The following RBFOX1 variants were observed in gnomAD, a reference collection of about 807,000 sequenced individuals.
The protein encoded by RBFOX1 is RNA binding fox-1 homolog 1, also known as RNA binding protein fox-1 homolog 1.
RBFOX1 carries 8 observed loss-of-function variants against 57.7 expected under a neutral mutation model. The observed-to-expected ratio is 0.14, with a 90% confidence interval of 0.08 to 0.25. The LOEUF (loss-of-function observed/expected upper bound fraction) is 0.25, where lower values mean the gene tolerates loss of function less well. RBFOX1 is among the 10% of genes least tolerant of loss of function. RBFOX1 has a pLI of 1.00. For missense variants in RBFOX1, 611 were observed against 548.5 expected (o/e 1.11, Z -1.14); for synonymous variants, 326 against 222.4 (o/e 1.47, Z -4.15).
At chr16:7,101,713 G>A (rs2062724112) in intron 4 of RBFOX1, among the ~76,000 whole-genome samples, 1 of 152,156 alleles carries the variant, frequency 6.6e-6, no homozygotes, top group Non-Finnish European at 1.5e-5. Flanking sequence ...TTTTAAAAAT[G>A]TATTTGCTTG....
chr16:6,914,563 T>C (rs7203317), intron 3 of RBFOX1, among the ~76,000 whole-genome samples: 36 of 116,742 alleles, frequency 3.1e-4, no homozygotes, highest in African/African-American at 1.0e-3. Context: ...AAAACAAAAA[T>C]AAAAAAAAAA....
intron 9 of RBFOX1, 81 bp from the exon 10 acceptor site, chr16:7,607,204 C>T (rs944240393): frequency 7.7e-7 from 1 of 1,292,994 alleles, no homozygotes; most frequent in Admixed American, 2.0e-5. Context: ...TACTTTAACC[C>T]ATTTGATTTG....
intron 3 of RBFOX1, among the ~76,000 whole-genome samples, chr16:6,908,104 G>A (rs964295987): frequency 1.3e-5 from 2 of 151,736 alleles, no homozygotes; most frequent in South Asian, 2.1e-4. Context: ...CACAGCTACT[G>A]GGGGTTAGGA....
chr16:7,477,548 A>G (rs1379975204), intron 4 of RBFOX1, among the ~76,000 whole-genome samples: 1 of 152,178 alleles, frequency 6.6e-6, no homozygotes, highest in Non-Finnish European at 1.5e-5. Context: ...GAGAAAATGT[A>G]CTAAGCGAAC....
intron 2 of RBFOX1, among the ~76,000 whole-genome samples, chr16:6,641,621 G>A (rs944314662): frequency 1.3e-5 from 2 of 151,770 alleles, no homozygotes; most frequent in African/African-American, 4.8e-5. Flanking sequence ...TGTAATCCCA[G>A]CTACTCAAGA....
rs1176767746 is a variant in RBFOX1, at chr16:7,319,076, T to G, written c.28-199071T>G. Reference sequence around the variant, plus strand: ...CTCCAGTGCCAATTTTTTTCTTCTTTCTTTGTTTTTTTATCCTAATTTTAA... The same window carrying G: ...CTCCAGTGCCAATTTTTTTCTTCTTGCTTTGTTTTTTTATCCTAATTTTAA... On this transcript the variant is annotated intron_variant, in intron 4 of 15. Transcript: ENST00000550418. 2.6e-5 allele frequency among the ~76,000 whole-genome samples: 4 copies of G among 152,312 alleles called. No individual in the cohort carries two copies. In the East Asian group the frequency reaches 7.7e-4, roughly 29 times the overall value.
At position 7,572,547 on chromosome 16, in the gene RBFOX1, AAAT is replaced by A. The variant is rs2092895915; in HGVS notation, c.271-7222_271-7220del. Among the ~76,000 whole-genome samples, 4 of 152,268 alleles carry A rather than the reference AAAT, an allele frequency of 2.6e-5. No individual in the cohort carries two copies. In the South Asian group the frequency reaches 8.3e-4, roughly 32 times the overall value. ...GTGCACAGGATGATCCACCCATCAA[AAAT>A]AATAATAGGCTGGGCGCGGTGGCTC... On this transcript the variant is annotated intron_variant, in intron 5 of 15. Coordinates refer to ENST00000550418, the MANE Select transcript of RBFOX1 (RefSeq NM_018723.4).
intron 1 of RBFOX1, among the ~76,000 whole-genome samples, chr16:5,382,496 G>A (rs1275250900): frequency 1.3e-5 from 2 of 151,578 alleles, no homozygotes; most frequent in Non-Finnish European, 2.9e-5. Context: ...TAGAATTTAT[G>A]ATTTGCAATC....
chr16:6,076,367 C>G (rs2095901515), intron 1 of RBFOX1, among the ~76,000 whole-genome samples: 1 of 151,858 alleles, frequency 6.6e-6, no homozygotes, highest in Non-Finnish European at 1.5e-5. Flanking sequence ...CACACCCCAC[C>G]TCTTTGGGTT....
At chr16:7,049,335 C>T (rs2049134102) in intron 3 of RBFOX1, among the ~76,000 whole-genome samples, 1 of 152,266 alleles carries the variant, frequency 6.6e-6, no homozygotes, top group East Asian at 1.9e-4. Flanking sequence ...CTTGAGACCA[C>T]AGTCCTAGAT....
intron 13 of RBFOX1, among the ~76,000 whole-genome samples, chr16:7,675,515 C>T (rs2073016041): frequency 6.6e-6 from 1 of 152,044 alleles, no homozygotes; most frequent in South Asian, 2.1e-4. Flanking sequence ...AAGATAAACT[C>T]GTTTCTTTGA....
chr16:6,687,033 G>T (rs1456169922), intron 3 of RBFOX1, among the ~76,000 whole-genome samples: 1 of 152,202 alleles, frequency 6.6e-6, no homozygotes. Context: ...ACTCATTTCA[G>T]AAATCTTTGC....
chr16:6,182,360 A>G (rs971582589), intron 1 of RBFOX1, among the ~76,000 whole-genome samples: 20 of 152,288 alleles, frequency 1.3e-4, no homozygotes, highest in African/African-American at 3.9e-4. Context: ...ACGACCTACC[A>G]CAGCCACTTT....
chr16:5,757,232 T>G (rs76925603), intron 3 of RBFOX1, among the ~76,000 whole-genome samples: 239 of 113,292 alleles, frequency 2.1e-3, no homozygotes, highest in Non-Finnish European at 3.3e-3. Flanking sequence ...GGTTTTTGTG[T>G]TTTTTTTTTT....
intron 3 of RBFOX1, among the ~76,000 whole-genome samples, chr16:6,940,249 G>C (rs914163581): frequency 1.3e-5 from 2 of 152,140 alleles, no homozygotes; most frequent in African/African-American, 2.4e-5. Flanking sequence ...CTGGCTATCA[G>C]AGGGGCTTGG....
chr16:5,484,988 G>A (rs2151653226), intron 2 of RBFOX1, among the ~76,000 whole-genome samples: 1 of 152,074 alleles, frequency 6.6e-6, no homozygotes, highest in East Asian at 1.9e-4. Flanking sequence ...GAGTCTAGGA[G>A]TTTGAAGCTT....
rs2084147951 is a variant in RBFOX1 at position 7,712,506 on chromosome 16, T to TA, written c.*1761_*1762insA. The TA allele has an allele frequency of 6.6e-6, 1 of 152,614 alleles. No individual in the cohort carries two copies. The highest frequency in any genetic ancestry group is 1.5e-5 in the Non-Finnish European group (1 of 68,038). 9.5% of individuals were successfully genotyped at this position (152,614 alleles called of 1,614,324 possible). A position where few individuals can be genotyped will look rare whatever the true frequency, so the allele number is the denominator to read the frequency against. ...AGTTTCACAAGATTTGAAAACAAAG[T>TA]TTCTGTAGCTTCGATACCTAAGACA... On this transcript the variant is annotated 3_prime_UTR_variant, in exon 16 of 16. Coordinates refer to ENST00000550418, the MANE Select transcript of RBFOX1 (RefSeq NM_018723.4).
chr16:5,889,893 G>A (rs2058004288), intron 4 of RBFOX1, among the ~76,000 whole-genome samples: 1 of 152,226 alleles, frequency 6.6e-6, no homozygotes, highest in Admixed American at 6.5e-5. Context: ...GGAGAGACTG[G>A]ATGCGGCCTG....
chr16:6,818,370 G>A (rs1219931719), intron 3 of RBFOX1, among the ~76,000 whole-genome samples: 1 of 152,060 alleles, frequency 6.6e-6, no homozygotes, highest in Non-Finnish European at 1.5e-5. Flanking sequence ...CCACAAGTGG[G>A]ACTTAAACCA....
Sources: allele counts gnomAD v4.1 joint callset (sites outside exome capture counted in the v4.1 genomes callset), GRCh38; gene constraint gnomAD v4.1.1; transcripts MANE v1.5; gene names NCBI Gene and HGNC (gene_info 2026-07-23, HGNC 2026-07-21).